The following CFAP57 variants were observed in gnomAD, a reference collection of about 807,000 sequenced individuals.
CFAP57 encodes cilia- and flagella-associated protein 57.
A neutral mutation model predicts 146.8 loss-of-function variants in CFAP57; 116 were observed. That is an observed-to-expected ratio of 0.79 (90% confidence interval 0.68 to 0.92). The LOEUF (loss-of-function observed/expected upper bound fraction) is 0.92, where lower values mean the gene tolerates loss of function less well. CFAP57 is among the 40% of genes least tolerant of loss of function. The pLI is 0.00. For missense variants in CFAP57, 1,377 were observed against 1,527.2 expected (o/e 0.90, Z 1.64); for synonymous variants, 518 against 552.8 (o/e 0.94, Z 0.88).
intron 10 of CFAP57, among the ~76,000 whole-genome samples, chr1:43,209,002 A>C (rs768165222): frequency 2.6e-5 from 4 of 152,190 alleles, no homozygotes; most frequent in Non-Finnish European, 5.9e-5. Context: ...TCACATTCAC[A>C]CAGCTTTTAT....
chr1:43,237,534 C>T (rs78449867), intron 21 of CFAP57, among the ~76,000 whole-genome samples: 2,112 of 152,260 alleles, frequency 0.014, 46 homozygotes, highest in African/African-American at 0.049. Context: ...GTGCTGTGGG[C>T]TCATCCTGGA....
rs1424225581 is a variant in CFAP57, at chr1:43,172,797, G to C, written c.44G>C (p.Arg15Pro). 1 of 1,614,000 alleles carries C rather than the reference G, an allele frequency of 6.2e-7. No homozygotes were observed. The highest frequency in any genetic ancestry group is 1.3e-5 in the African/African-American group (1 of 74,894). ...VAQTLHVFGLRSHVANNIFYF... is the reference protein window; with the variant it reads ...VAQTLHVFGLPSHVANNIFYF... ...CAGACGCTGCATGTTTTTGGTCTTCGATCCCACGTGGCCAACAATATCTTC... is the reference window on the plus strand; with the variant it reads ...CAGACGCTGCATGTTTTTGGTCTTCCATCCCACGTGGCCAACAATATCTTC... Residue 15 changes from arginine (R) to proline (P), a missense_variant, in exon 2 of 23, where the codon CGA becomes CCA. Arg to Pro is a moderately radical substitution (Grantham distance 103, BLOSUM62 -2). Transcript: ENST00000372492.
intron 9 of CFAP57, among the ~76,000 whole-genome samples, chr1:43,205,331 A>G (rs1404584841): frequency 6.6e-6 from 1 of 152,194 alleles, no homozygotes; most frequent in Non-Finnish European, 1.5e-5. Flanking sequence ...AGCCCCCTCA[A>G]GCAGAGCTGT....
Position 43,219,363 on chromosome 1 carries a change from T to G in CFAP57, c.2092-19T>G. On this transcript the variant is annotated intron_variant, in intron 12 of 22. Transcript: ENST00000372492. The stretch of plus-strand genomic sequence containing the variant: ...CCCTTACTGTCAGTGTTCTTGATCC[T>G]TCTGTCCTTCTCCCAAAGGCTCAGG... The G allele has an allele frequency of 2.6e-6, 4 of 1,546,200 alleles. No individual in the cohort carries two copies. The highest frequency in any genetic ancestry group is 3.5e-6 in the Non-Finnish European group (4 of 1,144,280).
At chr1:43,176,163 A>T (rs189655111) in intron 2 of CFAP57, among the ~76,000 whole-genome samples, 1 of 152,264 alleles carries the variant, frequency 6.6e-6, no homozygotes, top group East Asian at 1.9e-4. Context: ...TTGAGTAGAG[A>T]CAGCCTGGGA....
At chr1:43,180,578 T>C (rs1385453847) in intron 2 of CFAP57, among the ~76,000 whole-genome samples, 2 of 152,004 alleles carry the variant, frequency 1.3e-5, no homozygotes, top group African/African-American at 4.8e-5. Context: ...ATGCAGCAAG[T>C]TGCTCAGCAG....
intron 11 of CFAP57, among the ~76,000 whole-genome samples, 188 bp from the exon 12 acceptor site, chr1:43,215,067 C>A (rs922485469): frequency 6.6e-6 from 1 of 152,172 alleles, no homozygotes; most frequent in Non-Finnish European, 1.5e-5. Flanking sequence ...GTAGACGTAA[C>A]CTTACTTCTT....
chr1:43,230,999 T>G (rs770948881), intron 18 of CFAP57, among the ~76,000 whole-genome samples: 11 of 152,222 alleles, frequency 7.2e-5, no homozygotes, highest in Non-Finnish European at 1.3e-4. Flanking sequence ...TATATAACTC[T>G]GCCAACACTG....
chr1:43,218,685 A>AT (rs1644930288), intron 12 of CFAP57, among the ~76,000 whole-genome samples: 1 of 152,174 alleles, frequency 6.6e-6, no homozygotes, highest in Non-Finnish European at 1.5e-5. Context: ...TAGGACCTAT[A>AT]TTAAAGTATT....
intron 5 of CFAP57, among the ~76,000 whole-genome samples, chr1:43,186,426 G>A (rs542742521): frequency 3.3e-5 from 5 of 151,674 alleles, no homozygotes; most frequent in African/African-American, 4.8e-5. Flanking sequence ...CCTGGCTAAC[G>A]CGGTGAAACC....
chr1:43,209,542 C>T (rs1644502764), intron 10 of CFAP57, among the ~76,000 whole-genome samples: 1 of 152,138 alleles, frequency 6.6e-6, no homozygotes, highest in Non-Finnish European at 1.5e-5. Context: ...TGGTTATTTA[C>T]CAGCAACACA....
At chr1:43,179,437 T>TTGAA (rs964955186) in intron 2 of CFAP57, among the ~76,000 whole-genome samples, 20 of 152,152 alleles carry the variant, frequency 1.3e-4, no homozygotes, top group African/African-American at 2.4e-4. Flanking sequence ...ACACTGGTGA[T>TTGAA]TGAATGAATG....
At position 43,199,397 on chromosome 1, in the gene CFAP57, T is replaced by G. The variant is rs1644013133; in HGVS notation, c.1436T>G (p.Phe479Cys). The G allele has an allele frequency of 1.2e-6, 2 of 1,614,038 alleles. No homozygotes were observed. The highest frequency in any genetic ancestry group is 2.7e-5 in the African/African-American group (2 of 74,900). Residue 479 changes from phenylalanine to cysteine, a missense_variant, in exon 9 of 23, where the codon TTT becomes TGT. Coordinates refer to ENST00000372492, the MANE Select transcript of CFAP57 (RefSeq NM_001378189.1). ...TGCTGTCTTTCCCTATAGTGTTCCT[T>G]TAGCAATGGAGGTCACCTGTTTGCT... is the stretch of plus-strand genomic sequence containing the variant. ...YSVRGCGECS[F>C]SNGGHLFAAV...
chr1:43,198,410 T>G (rs781698589), intron 7 of CFAP57, 71 bp from the exon 8 acceptor site: 2 of 1,491,178 alleles, frequency 1.3e-6, no homozygotes, highest in African/African-American at 1.4e-5. Context: ...ACAATATATA[T>G]CAGATACAGT....
At chr1:43,189,733 C>T (rs887298168) in intron 6 of CFAP57, among the ~76,000 whole-genome samples, 4 of 152,076 alleles carry the variant, frequency 2.6e-5, no homozygotes, top group Admixed American at 1.3e-4. Flanking sequence ...GCAGGGTGTA[C>T]AGGAAGCATG....
At chr1:43,227,372 T>TACCC (rs1645287983) in intron 18 of CFAP57, among the ~76,000 whole-genome samples, 1 of 152,238 alleles carries the variant, frequency 6.6e-6, no homozygotes, top group Non-Finnish European at 1.5e-5. Flanking sequence ...GCTTTGGCCC[T>TACCC]ACCCGTGCCT....
chr1:43,176,676 A>C (rs1156350158), intron 2 of CFAP57, among the ~76,000 whole-genome samples: 1 of 152,226 alleles, frequency 6.6e-6, no homozygotes. Flanking sequence ...GGAGAGTGAC[A>C]AACAAAATAA....
rs1222891800 is a variant in CFAP57 at position 43,243,413 on chromosome 1, C to A, written c.3538+54C>A. Reference sequence around the variant, plus strand: ...GGCACTGGGACGAAGGGATTGATGGCAGCTGCAGGCAGGTCTCCCTTTGGC... The same window carrying A: ...GGCACTGGGACGAAGGGATTGATGGAAGCTGCAGGCAGGTCTCCCTTTGGC... On this transcript the variant is annotated intron_variant, in intron 22 of 22. Transcript: ENST00000372492. 4.9e-6 allele frequency: 7 copies of A among 1,439,138 alleles called. 1 individual carries two copies. The South Asian group carries it at 9.0e-5, about 19-fold the overall frequency. The allele number at this position is 1,439,138 out of a possible 1,614,324, so 89.1% of individuals were successfully genotyped here.
intron 5 of CFAP57, 87 bp downstream of exon 5, chr1:43,185,443 G>C: frequency 8.0e-7 from 1 of 1,251,100 alleles, no homozygotes; most frequent in Non-Finnish European, 1.2e-6. Context: ...GGCATCTGAT[G>C]GGGAGGGATA....
Sources: allele counts gnomAD v4.1 joint callset (sites outside exome capture counted in the v4.1 genomes callset), GRCh38; gene constraint gnomAD v4.1.1; transcripts MANE v1.5; gene names NCBI Gene and HGNC (gene_info 2026-07-23, HGNC 2026-07-21).